The following CD247 variants were observed in gnomAD, a reference collection of about 807,000 sequenced individuals.
CD247 encodes CD247 molecule.
Under a neutral mutation model 30.0 loss-of-function variants are expected in CD247, and 13 were observed. The observed-to-expected ratio is 0.43, with a 90% CI of 0.28 to 0.69. CD247 has a LOEUF of 0.69. Ranked by LOEUF, CD247 falls within the 30% of genes least tolerant of loss-of-function variation. The probability of loss-of-function intolerance (pLI) is 0.16; values close to 1 mark genes in which losing one functional copy is unlikely to be tolerated. For missense variants in CD247, 193 were observed against 212.6 expected (o/e 0.91, Z 0.57); for synonymous variants, 72 against 80.0 (o/e 0.90, Z 0.53).
At position 167,431,620 on chromosome 1, in the gene CD247, C is replaced by T; in HGVS notation, c.*61G>A. On this transcript the variant is annotated 3_prime_UTR_variant, in exon 8 of 8. Transcript: ENST00000362089. Reference sequence around the variant, plus strand: ...TGAACCGGGTTGTAAATGCTTCATCCTGTGTCTCATAATCTGGGCGTCTGC... The same window carrying T: ...TGAACCGGGTTGTAAATGCTTCATCTTGTGTCTCATAATCTGGGCGTCTGC... 7.5e-7 allele frequency: 1 copy of T among 1,335,028 alleles called. No individual in the cohort carries two copies. Among genetic ancestry groups the T allele is most frequent in the Non-Finnish European group, 1.1e-6 (1 of 925,056 alleles). 82.7% of individuals were successfully genotyped at this position (1,335,028 alleles called of 1,614,324 possible).
intron 1 of CD247, among the ~76,000 whole-genome samples, chr1:167,500,568 T>C (rs575356899): frequency 7.2e-4 from 109 of 152,328 alleles, no homozygotes; most frequent in African/African-American, 2.4e-3. Context: ...CTAACACACA[T>C]GGTTTCTTAT....
chr1:167,432,862 T>C (rs1461840311), intron 7 of CD247, among the ~76,000 whole-genome samples, 162 bp downstream of exon 7: 1 of 152,248 alleles, frequency 6.6e-6, no homozygotes, highest in African/African-American at 2.4e-5. Flanking sequence ...TCCAGGGACT[T>C]ATTGGCAGTG....
chr1:167,508,279 A>G (rs534329626), intron 1 of CD247, among the ~76,000 whole-genome samples: 1 of 151,820 alleles, frequency 6.6e-6, no homozygotes, highest in Admixed American at 6.5e-5. Context: ...AAATGGAAGG[A>G]GTTTGCTTTA....
intron 1 of CD247, among the ~76,000 whole-genome samples, chr1:167,449,128 C>CT (rs1281597477): frequency 9.4e-6 from 1 of 106,622 alleles, no homozygotes; most frequent in Non-Finnish European, 2.0e-5. Context: ...TTGAGCGATA[C>CT]TTTGTGATCA....
At chr1:167,461,396 T>C (rs1415735273) in intron 1 of CD247, among the ~76,000 whole-genome samples, 1 of 152,240 alleles carries the variant, frequency 6.6e-6, no homozygotes, top group East Asian at 1.9e-4. Context: ...CAGCTAGAAA[T>C]ACAGATCTCA....
At chr1:167,442,792 G>T (rs1439481249) in intron 1 of CD247, among the ~76,000 whole-genome samples, 1 of 147,642 alleles carries the variant, frequency 6.8e-6, no homozygotes. Flanking sequence ...GACCCCTCTT[G>T]CCCCCAGGCA....
intron 1 of CD247, among the ~76,000 whole-genome samples, chr1:167,459,271 AAGAAATGGGTCC>A (rs1652878901): frequency 6.6e-6 from 1 of 152,116 alleles, no homozygotes; most frequent in Non-Finnish European, 1.5e-5. Context: ...TCTAAATGTA[AAGAAATGGGTCC>A]AATTGTTAAT....
rs1653995536 is a variant in CD247, at chr1:167,482,123, C to G, written c.58+36285G>C. Among the ~76,000 whole-genome samples, 3 of 152,170 alleles carry G rather than the reference C, an allele frequency of 2.0e-5. No individual in the cohort carries two copies. The South Asian group carries it at 6.2e-4, about 32-fold the overall frequency. Reference sequence around the variant, plus strand: ...AGCATGAATGAGAGGTCTTCTAGGTCCTGTGAAAAGTTCTCTGGCCTGAGG... The same window carrying G: ...AGCATGAATGAGAGGTCTTCTAGGTGCTGTGAAAAGTTCTCTGGCCTGAGG... On this transcript the variant is annotated intron_variant, in intron 1 of 7. Coordinates refer to ENST00000362089, the MANE Select transcript of CD247 (RefSeq NM_198053.3).
intron 1 of CD247, among the ~76,000 whole-genome samples, chr1:167,451,875 G>T (rs1481712775): frequency 6.6e-6 from 1 of 152,160 alleles, no homozygotes; most frequent in Non-Finnish European, 1.5e-5. Context: ...GGGAGGCTGA[G>T]GTGGGTAGAT....
chr1:167,503,463 T>A (rs1015857964), intron 1 of CD247, among the ~76,000 whole-genome samples: 1 of 152,204 alleles, frequency 6.6e-6, no homozygotes, highest in African/African-American at 2.4e-5. Flanking sequence ...ATTGCATAAC[T>A]CTATCTTCCT....
chr1:167,431,981 G>A (rs1651292823), intron 7 of CD247, among the ~76,000 whole-genome samples: 1 of 152,228 alleles, frequency 6.6e-6, no homozygotes, highest in East Asian at 1.9e-4. Flanking sequence ...CTCCTTTCCA[G>A]CTAAATTCTC....
At chr1:167,500,653 T>G (rs1654861495) in intron 1 of CD247, among the ~76,000 whole-genome samples, 1 of 152,196 alleles carries the variant, frequency 6.6e-6, no homozygotes, top group Non-Finnish European at 1.5e-5. Context: ...CTACGTATTG[T>G]GATGTGCTGT....
intron 1 of CD247, among the ~76,000 whole-genome samples, chr1:167,482,674 A>G (rs921233402): frequency 6.6e-6 from 1 of 152,204 alleles, no homozygotes; most frequent in African/African-American, 2.4e-5. Flanking sequence ...CTCCAGCACC[A>G]TGGAGGACCA....
intron 1 of CD247, chr1:167,458,780 T>C (rs1421966163): frequency 1.4e-5 from 2 of 141,318 alleles, no homozygotes; most frequent in African/African-American, 5.3e-5. Flanking sequence ...TCACTGAACC[T>C]TCACAATGGG....
chr1:167,467,593 G>T (rs1385591026), intron 1 of CD247, among the ~76,000 whole-genome samples: 1 of 152,194 alleles, frequency 6.6e-6, no homozygotes, highest in African/African-American at 2.4e-5. Context: ...AGCCCTAAGC[G>T]TTGGGGGCTG....
rs969055518 is a variant in CD247 at position 167,431,254 on chromosome 1, A to G, written c.*427T>C. ...GAAAGGAGGTGAAGGTGACAACAGA[A>G]GCCAAATTTACAGCAGGAGTGAAGC... On this transcript the variant is annotated 3_prime_UTR_variant, in exon 8 of 8. Transcript: ENST00000362089. 1.9e-6 allele frequency: 1 copy of G among 514,650 alleles called. No homozygotes were observed. Among genetic ancestry groups the G allele is most frequent in the East Asian group, 2.9e-5 (1 of 34,192 alleles). The allele number at this position is 514,650 out of a possible 1,614,324, so 31.9% of individuals were successfully genotyped here.
chr1:167,489,016 C>T (rs1434497071), intron 1 of CD247, among the ~76,000 whole-genome samples: 1 of 152,048 alleles, frequency 6.6e-6, no homozygotes, highest in Non-Finnish European at 1.5e-5. Context: ...GTCCACACCT[C>T]GTGGAGAGGT....
intron 1 of CD247, among the ~76,000 whole-genome samples, chr1:167,512,214 A>G (rs1008652325): frequency 2.6e-5 from 4 of 152,156 alleles, no homozygotes; most frequent in Non-Finnish European, 5.9e-5. Flanking sequence ...CACGGCCCCC[A>G]ATAAATCTGC....
At chr1:167,438,309 T>A (rs1416299277) in intron 4 of CD247, among the ~76,000 whole-genome samples, 2 of 152,078 alleles carry the variant, frequency 1.3e-5, no homozygotes, top group African/African-American at 4.8e-5. Context: ...CAAGGAGCAG[T>A]TTGAGGGGAA....
Sources: allele counts gnomAD v4.1 joint callset (sites outside exome capture counted in the v4.1 genomes callset), GRCh38; gene constraint gnomAD v4.1.1; transcripts MANE v1.5; gene names NCBI Gene and HGNC (gene_info 2026-07-23, HGNC 2026-07-21).